The following ATP6V0E1 variants were observed in gnomAD, a reference collection of about 807,000 sequenced individuals.
The protein encoded by ATP6V0E1 is ATPase H+ transporting V0 subunit e1, also known as V-type proton ATPase subunit e 1.
In ATP6V0E1, 4 loss-of-function variants were observed where a neutral mutation model predicts 11.6. That is an observed-to-expected ratio of 0.35 (90% CI 0.17 to 0.79). The LOEUF (loss-of-function observed/expected upper bound fraction) is 0.79. Ranked by LOEUF, ATP6V0E1 falls within the 30% of genes least tolerant of loss-of-function variation. ATP6V0E1 has a pLI of 0.54. For missense variants in ATP6V0E1, 105 were observed against 100.0 expected (o/e 1.05, Z -0.21); for synonymous variants, 36 against 34.8 (o/e 1.04, Z -0.13).
chr5:172,995,253 G>A (rs993177788), intron 2 of ATP6V0E1, among the ~76,000 whole-genome samples: 30 of 152,302 alleles, frequency 2.0e-4, no homozygotes, highest in African/African-American at 6.7e-4. Context: ...ACAGGCACAC[G>A]CCGCCATGCA....
rs773979303 is a variant in ATP6V0E1, at chr5:172,983,787, C to G, written c.-74C>G. ...GCGGGGCTTGCACACGCTGGTCACG[C>G]GGTCAGCTATTGACACTTCCTGGTG... On this transcript the variant is annotated 5_prime_UTR_variant, in exon 1 of 4. Transcript: ENST00000519374. 4 of 1,426,988 alleles carry G rather than the reference C, an allele frequency of 2.8e-6. No homozygotes were observed. The highest frequency in any genetic ancestry group is 3.9e-6 in the Non-Finnish European group (4 of 1,016,946). 88.4% of individuals were successfully genotyped at this position (1,426,988 alleles called of 1,614,324 possible). A position where few individuals can be genotyped will look rare whatever the true frequency, so the allele number is the denominator to read the frequency against.
chr5:172,992,086 T>C (rs1339315737), intron 1 of ATP6V0E1, among the ~76,000 whole-genome samples: 3 of 152,150 alleles, frequency 2.0e-5, no homozygotes, highest in African/African-American at 4.8e-5. Flanking sequence ...AGTCTCGCTC[T>C]GTCGCCCAGG....
intron 2 of ATP6V0E1, 72 bp from the exon 3 acceptor site, chr5:173,020,166 A>T: frequency 7.9e-7 from 1 of 1,272,788 alleles, no homozygotes; most frequent in Admixed American, 1.8e-5. Context: ...TACTTTTTCC[A>T]TGCTAATTGA....
chr5:173,002,935 C>T (rs908326402), intron 2 of ATP6V0E1, among the ~76,000 whole-genome samples: 1 of 151,776 alleles, frequency 6.6e-6, no homozygotes, highest in African/African-American at 2.4e-5. Flanking sequence ...CCTGTAGTCC[C>T]AGCTACTTGG....
chr5:173,020,436 C>A (rs1272167855), intron 3 of ATP6V0E1, 69 bp downstream of exon 3: 4 of 909,464 alleles, frequency 4.4e-6, no homozygotes, highest in Non-Finnish European at 5.1e-6. Context: ...CTTTTTCTCA[C>A]ATTTTATGGC....
chr5:172,984,134 G>A (rs1039672668), intron 1 of ATP6V0E1, among the ~76,000 whole-genome samples, 170 bp downstream of exon 1: 5 of 152,194 alleles, frequency 3.3e-5, no homozygotes. Context: ...TTTCGCAGCA[G>A]CTTCAGTGTC....
At chr5:173,010,258 A>T (rs1047594307) in intron 2 of ATP6V0E1, among the ~76,000 whole-genome samples, 1 of 152,178 alleles carries the variant, frequency 6.6e-6, no homozygotes, top group Admixed American at 6.5e-5. Context: ...TCAGTGCTAC[A>T]TGAGAAACTC....
intron 2 of ATP6V0E1, among the ~76,000 whole-genome samples, chr5:173,012,112 A>G (rs994295386): frequency 4.0e-5 from 6 of 150,640 alleles, no homozygotes; most frequent in Non-Finnish European, 5.9e-5. Context: ...GCTCACTGCA[A>G]CCTCTGCCTC....
rs2302956 is a variant in ATP6V0E1, at chr5:172,983,785, C to T, written c.-76C>T. On this transcript the variant is annotated 5_prime_UTR_variant, in exon 1 of 4. It adds an upstream start codon to the 5' untranslated region. Transcript: ENST00000519374. ...AGGCGGGGCTTGCACACGCTGGTCA[C>T]GCGGTCAGCTATTGACACTTCCTGG... is the stretch of plus-strand genomic sequence containing the variant. The T allele has an allele frequency of 2.8e-6, 4 of 1,421,610 alleles. No homozygotes were observed. The highest frequency in any genetic ancestry group is 1.4e-5 in the African/African-American group (1 of 71,106). The allele number at this position is 1,421,610 out of a possible 1,614,324, so 88.1% of individuals were successfully genotyped here. A position where few individuals can be genotyped will look rare whatever the true frequency, so the allele number is the denominator to read the frequency against.
At chr5:172,997,377 T>G (rs1756080968) in intron 2 of ATP6V0E1, among the ~76,000 whole-genome samples, 1 of 152,116 alleles carries the variant, frequency 6.6e-6, no homozygotes, top group Admixed American at 6.6e-5. Flanking sequence ...GACACATTCC[T>G]TTGGGGAAAT....
chr5:173,032,238 C>CTTTTA (rs1384266139), intron 3 of ATP6V0E1, among the ~76,000 whole-genome samples: 4,376 of 122,664 alleles, frequency 0.036, 148 homozygotes, highest in Admixed American at 0.054. Context: ...TGCACATTTA[C>CTTTTA]TTTTATTTTA....
At chr5:173,004,035 T>C (rs1756193804) in intron 2 of ATP6V0E1, among the ~76,000 whole-genome samples, 2 of 151,986 alleles carry the variant, frequency 1.3e-5, no homozygotes, top group South Asian at 4.2e-4. Context: ...AGTGCTGAGG[T>C]TGAGAAACCC....
intron 2 of ATP6V0E1, among the ~76,000 whole-genome samples, chr5:173,001,227 A>G (rs1756147373): frequency 6.6e-6 from 1 of 152,106 alleles, no homozygotes; most frequent in Admixed American, 6.6e-5. Context: ...AACAAAGTAG[A>G]CAACCCCCTG....
At chr5:173,002,323 C>T (rs1756170773) in intron 2 of ATP6V0E1, among the ~76,000 whole-genome samples, 2 of 152,232 alleles carry the variant, frequency 1.3e-5, no homozygotes, top group South Asian at 4.1e-4. Flanking sequence ...TCAAGGTCCA[C>T]ATAAAGACCA....
chr5:173,001,735 C>T (rs865968026), intron 2 of ATP6V0E1, among the ~76,000 whole-genome samples: 41 of 151,212 alleles, frequency 2.7e-4, no homozygotes, highest in East Asian at 7.8e-4. Flanking sequence ...TCTTTTCCCC[C>T]GAGACGGAGT....
chr5:173,022,505 ATC>A (rs1242069702), intron 3 of ATP6V0E1, among the ~76,000 whole-genome samples: 5 of 152,166 alleles, frequency 3.3e-5, no homozygotes, highest in Non-Finnish European at 7.3e-5. Context: ...TTGAGACAGA[ATC>A]TCATTCTTGT....
At chr5:173,010,562 C>T (rs906845167) in intron 2 of ATP6V0E1, among the ~76,000 whole-genome samples, 8 of 152,156 alleles carry the variant, frequency 5.3e-5, no homozygotes, top group African/African-American at 1.9e-4. Flanking sequence ...AATACCGAAT[C>T]CCATGTTTTC....
At chr5:173,021,771 G>C (rs534164873) in intron 3 of ATP6V0E1, among the ~76,000 whole-genome samples, 8 of 152,180 alleles carry the variant, frequency 5.3e-5, no homozygotes, top group Non-Finnish European at 1.0e-4. Flanking sequence ...GTCTTTGGTC[G>C]TGCGCGGTGG....
At chr5:172,995,071 A>G (rs550202568) in intron 2 of ATP6V0E1, among the ~76,000 whole-genome samples, 1 of 152,306 alleles carries the variant, frequency 6.6e-6, no homozygotes, top group Non-Finnish European at 1.5e-5. Flanking sequence ...TTATGATTAT[A>G]CTACTTTATA....
Sources: allele counts gnomAD v4.1 joint callset (sites outside exome capture counted in the v4.1 genomes callset), GRCh38; gene constraint gnomAD v4.1.1; transcripts MANE v1.5; gene names NCBI Gene and HGNC (gene_info 2026-07-23, HGNC 2026-07-21).